Variants in PCCA observed in about 807,000 individuals in gnomAD.
PCCA encodes the protein propionyl-CoA carboxylase subunit alpha, also known as propionyl-CoA carboxylase alpha chain, mitochondrial.
In PCCA, 74 loss-of-function variants were observed where a neutral mutation model predicts 101.3. The observed-to-expected ratio is 0.73, with a 90% CI of 0.61 to 0.89. The LOEUF is 0.89. PCCA is among the 40% of genes least tolerant of loss of function. The pLI is 0.00. For missense variants in PCCA, 891 were observed against 907.0 expected (o/e 0.98, Z 0.23); for synonymous variants, 294 against 313.6 (o/e 0.94, Z 0.66).
intron 2 of PCCA, among the ~76,000 whole-genome samples, chr13:100,103,959 G>A (rs1482994424): frequency 2.6e-5 from 4 of 152,172 alleles, no homozygotes; most frequent in African/African-American, 7.2e-5. Context: ...TAGATTGAAG[G>A]TAATTTTGTG....
intron 8 of PCCA, among the ~76,000 whole-genome samples, chr13:100,247,019 C>A (rs1186572232): frequency 2.0e-5 from 3 of 151,496 alleles, no homozygotes; most frequent in Admixed American, 6.6e-5. Context: ...AGTGATTCTC[C>A]TGTCTCAGCC....
chr13:100,101,186 T>C (rs990322385), intron 1 of PCCA, among the ~76,000 whole-genome samples: 2 of 152,344 alleles, frequency 1.3e-5, no homozygotes, highest in South Asian at 2.1e-4. Flanking sequence ...AGTTCACATG[T>C]GTGCAAGCTC....
At chr13:100,288,921 GC>G (rs1257143803) in intron 12 of PCCA, among the ~76,000 whole-genome samples, 1 of 152,024 alleles carries the variant, frequency 6.6e-6, no homozygotes, top group Non-Finnish European at 1.5e-5. Context: ...GTAGAGTAGA[GC>G]CCTAGGAATC....
chr13:100,236,080 A>C (rs1417778153), intron 8 of PCCA, among the ~76,000 whole-genome samples: 3 of 152,220 alleles, frequency 2.0e-5, no homozygotes, highest in Non-Finnish European at 2.9e-5. Context: ...TTTGACCTTA[A>C]CTATACATAA....
At chr13:100,481,947 A>G (rs528633819) in intron 21 of PCCA, among the ~76,000 whole-genome samples, 28 of 152,328 alleles carry the variant, frequency 1.8e-4, no homozygotes, top group African/African-American at 6.3e-4. Flanking sequence ...CGTACCATCA[A>G]TTCAAAACCA....
chr13:100,267,208 A>G (rs1451525178), intron 10 of PCCA, among the ~76,000 whole-genome samples: 3 of 152,154 alleles, frequency 2.0e-5, no homozygotes, highest in Non-Finnish European at 4.4e-5. Context: ...GTCTACTTTT[A>G]CTTTCTTGTC....
At chr13:100,453,465 T>A (rs1341294954) in intron 21 of PCCA, among the ~76,000 whole-genome samples, 2 of 128,586 alleles carry the variant, frequency 1.6e-5, no homozygotes, top group African/African-American at 3.2e-5. Flanking sequence ...TTGCAACCAC[T>A]ACACTCTAGT....
intron 21 of PCCA, among the ~76,000 whole-genome samples, chr13:100,510,127 T>A (rs1044751375): frequency 6.6e-6 from 1 of 152,214 alleles, no homozygotes; most frequent in Non-Finnish European, 1.5e-5. Context: ...GAATGTAAAA[T>A]TAATTTTTCT....
intron 12 of PCCA, among the ~76,000 whole-genome samples, chr13:100,283,997 C>G (rs917126293): frequency 6.6e-6 from 1 of 152,150 alleles, no homozygotes. Flanking sequence ...CCGGGGCAAG[C>G]GCCAGCTCAT....
At chr13:100,419,896 C>T (rs1016042050) in intron 19 of PCCA, among the ~76,000 whole-genome samples, 2 of 152,194 alleles carry the variant, frequency 1.3e-5, no homozygotes, top group Non-Finnish European at 2.9e-5. Context: ...CACTTGAGTC[C>T]TTGGTCAATT....
At chr13:100,428,334 C>T (rs1201032604) in intron 20 of PCCA, among the ~76,000 whole-genome samples, 1 of 76,694 alleles carries the variant, frequency 1.3e-5, no homozygotes, top group Non-Finnish European at 2.7e-5. Flanking sequence ...ACCCCCCCTA[C>T]CCCCCACCCC....
intron 10 of PCCA, chr13:100,268,442 T>A (rs2063087772): frequency 1.9e-6 from 1 of 532,132 alleles, no homozygotes; most frequent in South Asian, 2.0e-5. Flanking sequence ...GTTTTACTCG[T>A]TGTATTTGAA....
chr13:100,316,716 G>A (rs1369252979), intron 16 of PCCA, among the ~76,000 whole-genome samples: 1 of 151,990 alleles, frequency 6.6e-6, no homozygotes, highest in Non-Finnish European at 1.5e-5. Context: ...CCAGCAGTAG[G>A]CTATAAACAT....
chr13:100,303,077 C>T (rs1235460794), intron 14 of PCCA, 79 bp downstream of exon 14: 1 of 849,106 alleles, frequency 1.2e-6, no homozygotes, highest in Non-Finnish European at 2.1e-6. Flanking sequence ...AGCATGTCAA[C>T]ACCAAAGGGT....
At chr13:100,332,087 T>TG (rs1200805497) in intron 17 of PCCA, among the ~76,000 whole-genome samples, 1 of 151,980 alleles carries the variant, frequency 6.6e-6, no homozygotes, top group Non-Finnish European at 1.5e-5. Flanking sequence ...TACAGGCATG[T>TG]GCCACTACCC....
intron 4 of PCCA, among the ~76,000 whole-genome samples, chr13:100,127,380 GA>G (rs1461201284): frequency 1.3e-5 from 2 of 151,876 alleles, no homozygotes; most frequent in African/African-American, 2.4e-5. Context: ...TTTAAATTAA[GA>G]AAAAAGTGAA....
chr13:100,344,593 A>G (rs532934916), intron 18 of PCCA, among the ~76,000 whole-genome samples: 1 of 152,276 alleles, frequency 6.6e-6, no homozygotes, highest in South Asian at 2.1e-4. Context: ...TGTGTGCTCC[A>G]TAGAGCGCTA....
intron 7 of PCCA, among the ~76,000 whole-genome samples, chr13:100,233,371 T>C (rs1003026084): frequency 3.3e-5 from 5 of 152,230 alleles, no homozygotes; most frequent in African/African-American, 1.2e-4. Flanking sequence ...GATATTGTGC[T>C]TCTGGAACTG....
At chr13:100,447,762 A>G (rs1184268760) in intron 20 of PCCA, among the ~76,000 whole-genome samples, 1 of 151,992 alleles carries the variant, frequency 6.6e-6, no homozygotes, top group Non-Finnish European at 1.5e-5. Context: ...TAAGTATGCT[A>G]TCTAGATTAC....
Sources: allele counts gnomAD v4.1 joint callset (sites outside exome capture counted in the v4.1 genomes callset), GRCh38; gene constraint gnomAD v4.1.1; transcripts MANE v1.5; gene names NCBI Gene and HGNC (gene_info 2026-07-23, HGNC 2026-07-21).